LRRC1: variants seen among roughly 807,000 people sequenced by gnomAD.
The protein encoded by LRRC1 is leucine-rich repeat-containing protein 1.
Under a neutral mutation model 69.9 loss-of-function variants are expected in LRRC1, and 28 were observed. That is an observed-to-expected ratio of 0.40 (90% CI 0.30 to 0.55). LRRC1 has a LOEUF of 0.55. Ranked by LOEUF, LRRC1 falls within the 20% of genes least tolerant of loss-of-function variation. The probability of loss-of-function intolerance (pLI) is 0.47; values close to 1 mark genes in which losing one functional copy is unlikely to be tolerated. For missense variants in LRRC1, 498 were observed against 609.0 expected (o/e 0.82, Z 1.92); for synonymous variants, 236 against 240.2 (o/e 0.98, Z 0.16).
At chr6:53,838,445 A>T (rs1173677213) in intron 1 of LRRC1, among the ~76,000 whole-genome samples, 1 of 152,210 alleles carries the variant, frequency 6.6e-6, no homozygotes, top group Non-Finnish European at 1.5e-5. Flanking sequence ...TGAACTTATT[A>T]TTCACTGTAC....
At chr6:53,896,622 C>T in intron 5 of LRRC1, 68 bp downstream of exon 5, 1 of 1,401,984 alleles carries the variant, frequency 7.1e-7, no homozygotes, top group Non-Finnish European at 1.0e-6. Context: ...AAAAACAGGA[C>T]TACAGTATTA....
At chr6:53,840,990 G>A (rs983980891) in intron 1 of LRRC1, among the ~76,000 whole-genome samples, 1 of 151,538 alleles carries the variant, frequency 6.6e-6, no homozygotes, top group African/African-American at 2.4e-5. Flanking sequence ...GGGCCTGTTT[G>A]GAAGCTCCGT....
At chr6:53,811,012 A>G (rs182621883) in intron 1 of LRRC1, among the ~76,000 whole-genome samples, 2 of 152,274 alleles carry the variant, frequency 1.3e-5, no homozygotes, top group East Asian at 3.9e-4. Context: ...TCAGGGACTT[A>G]CTTATGTGTT....
intron 2 of LRRC1, among the ~76,000 whole-genome samples, chr6:53,847,012 T>C (rs1332265791): frequency 1.3e-5 from 2 of 152,230 alleles, no homozygotes; most frequent in African/African-American, 4.8e-5. Flanking sequence ...TATGTCATTA[T>C]CCATTTAGTT....
chr6:53,903,730 C>T (rs559062551), intron 9 of LRRC1, among the ~76,000 whole-genome samples: 104 of 152,294 alleles, frequency 6.8e-4, no homozygotes, highest in African/African-American at 2.4e-3. Context: ...AAGCAGCCAG[C>T]CTCTGGCAGG....
At chr6:53,904,178 G>T (rs1170557541) in intron 9 of LRRC1, among the ~76,000 whole-genome samples, 2 of 152,188 alleles carry the variant, frequency 1.3e-5, no homozygotes, top group Non-Finnish European at 2.9e-5. Context: ...CTTTAAAACA[G>T]ACTTATCATT....
chr6:53,898,124 A>G (rs571546359), intron 7 of LRRC1, among the ~76,000 whole-genome samples: 1 of 152,360 alleles, frequency 6.6e-6, no homozygotes, highest in Admixed American at 6.5e-5. Flanking sequence ...TGCCATATCA[A>G]TGCAGGGAAC....
chr6:53,888,434 C>T (rs368621034), intron 4 of LRRC1, among the ~76,000 whole-genome samples: 5 of 152,082 alleles, frequency 3.3e-5, no homozygotes, highest in African/African-American at 1.2e-4. Flanking sequence ...AAGTATAAAA[C>T]ATTGAAAGAT....
At chr6:53,911,694 T>A (rs781179914) in intron 10 of LRRC1, among the ~76,000 whole-genome samples, 1 of 152,180 alleles carries the variant, frequency 6.6e-6, no homozygotes, top group Non-Finnish European at 1.5e-5. Context: ...ACACCGAAGC[T>A]CCTCCACCTG....
intron 1 of LRRC1, among the ~76,000 whole-genome samples, chr6:53,833,087 A>G (rs562793573): frequency 5.6e-4 from 86 of 152,228 alleles, no homozygotes; most frequent in Middle Eastern, 3.4e-3. Context: ...CCTCTGAGGT[A>G]CCAACCCTGC....
In LRRC1 at chr6:53,922,650, C is replaced by T. The variant is rs1768772414; in HGVS notation, c.1432C>T (p.Arg478Ter). 6.2e-7 allele frequency: 1 copy of T among 1,613,430 alleles called. No individual in the cohort carries two copies. ...TTGTTTTTAGAGAACACTTCTAAGG[C>T]GAGCCACTCCACACCCAGGGGAGTT... is the stretch of plus-strand genomic sequence containing the variant. ...EDNETRTLLRRATPHPGELKH... is the reference protein window; with the variant it reads ...EDNETRTLLR Residue 478 changes from arginine (R) to a stop codon, truncating the protein, a stop_gained, in exon 14 of 14, where the codon CGA (arginine) becomes TGA (stop). Transcript: ENST00000370888. LOFTEE classifies it high-confidence loss of function.
Position 53,919,585 on chromosome 6 carries a change from C to G in LRRC1, c.1194C>G (p.Phe398Leu). ...ACCAGTCCCAGCCCCTGCTTACATT[C>G]CAGACAGACACAGACTACACCACAG... Reference protein sequence around the residue: ...SDNQSQPLLTFQTDTDYTTGE... With the variant: ...SDNQSQPLLTLQTDTDYTTGE... The change falls in exon 12 of 14, where the codon TTC (phenylalanine) becomes TTG (leucine). Residue 398 changes from phenylalanine to leucine, a missense_variant. Physicochemically the swap from Phe to Leu is conservative, Grantham distance 22. Transcript: ENST00000370888. 2 of 1,613,794 alleles carry G rather than the reference C, an allele frequency of 1.2e-6. No individual in the cohort carries two copies. The highest frequency in any genetic ancestry group is 3.3e-5 in the Admixed American group (2 of 59,984).
chr6:53,795,212 G>C lies in LRRC1; in HGVS notation c.-45G>C. On this transcript the variant is annotated 5_prime_UTR_variant, in exon 1 of 14. Coordinates refer to ENST00000370888, the MANE Select transcript of LRRC1 (RefSeq NM_018214.5). ...CCGGCCAGAGCGGGCTCGGAGCCCG[G>C]GTCTCCGCCGCTCGGGACCCGGCTA... The C allele has an allele frequency of 1.3e-6, 2 of 1,547,398 alleles. No individual in the cohort carries two copies. The highest frequency in any genetic ancestry group is 1.7e-6 in the Non-Finnish European group (2 of 1,150,826).
At chr6:53,810,612 T>A (rs1458463817) in intron 1 of LRRC1, among the ~76,000 whole-genome samples, 3 of 151,398 alleles carry the variant, frequency 2.0e-5, no homozygotes, top group African/African-American at 7.3e-5. Flanking sequence ...AGAGCGAGAC[T>A]CCGTCTCAAA....
intron 2 of LRRC1, among the ~76,000 whole-genome samples, chr6:53,860,645 C>G (rs1766467566): frequency 6.6e-6 from 1 of 152,094 alleles, no homozygotes; most frequent in Non-Finnish European, 1.5e-5. Flanking sequence ...TCCAAACAGT[C>G]CTGCTTTTCA....
At chr6:53,817,876 C>T (rs1358068237) in intron 1 of LRRC1, among the ~76,000 whole-genome samples, 3 of 152,164 alleles carry the variant, frequency 2.0e-5, no homozygotes, top group Non-Finnish European at 4.4e-5. Context: ...CAAGCTACAT[C>T]CTATGCATTT....
intron 4 of LRRC1, among the ~76,000 whole-genome samples, chr6:53,893,270 G>A (rs9474675): frequency 2.2e-4 from 33 of 152,034 alleles, no homozygotes; most frequent in African/African-American, 7.2e-4. Context: ...AGGGAAAATC[G>A]AGATTCAGCA....
intron 1 of LRRC1, among the ~76,000 whole-genome samples, chr6:53,841,704 T>A (rs1765795616): frequency 6.6e-6 from 1 of 152,120 alleles, no homozygotes; most frequent in South Asian, 2.1e-4. Context: ...TTAAAAAATG[T>A]CTTTTTAAAA....
chr6:53,810,512 T>A (rs1234508251), intron 1 of LRRC1, among the ~76,000 whole-genome samples: 1 of 151,454 alleles, frequency 6.6e-6, no homozygotes, highest in Non-Finnish European at 1.5e-5. Flanking sequence ...CCCAGCTACT[T>A]GGGAGGCTGA....
Sources: gnomAD v4.1 joint callset for allele counts (sites outside exome capture counted in the v4.1 genomes callset) on GRCh38, gnomAD v4.1.1 for gene constraint, MANE v1.5 for transcripts, NCBI Gene and HGNC (gene_info 2026-07-23, HGNC 2026-07-21) for gene names.